UBE2R2: variants seen among roughly 807,000 people sequenced by gnomAD.
UBE2R2 encodes the protein ubiquitin conjugating enzyme E2 R2, also known as ubiquitin-conjugating enzyme E2 R2.
A neutral mutation model predicts 27.8 loss-of-function variants in UBE2R2; 1 was observed. The ratio of observed to expected loss-of-function variants is 0.04; its 90% CI spans 0.01 to 0.17. The LOEUF (loss-of-function observed/expected upper bound fraction) is 0.17, where lower values mean the gene tolerates loss of function less well. Among genes scored for constraint, UBE2R2 ranks in the 10% least tolerant of loss-of-function variants. UBE2R2 has a pLI of 1.00. For missense variants in UBE2R2, 100 were observed against 291.0 expected (o/e 0.34, Z 4.78); for synonymous variants, 106 against 113.3 (o/e 0.94, Z 0.41).
Position 33,863,835 on chromosome 9 carries a change from G to A in UBE2R2, c.178-23046G>A, listed in dbSNP as rs141311502. ...CCTGAGTAGCTGGAACTACTGGCAT[G>A]TACCACCACGCCTGGCCAATTTTTG... On this transcript the variant is annotated intron_variant, in intron 1 of 4. Coordinates refer to ENST00000263228, the MANE Select transcript of UBE2R2 (RefSeq NM_017811.4). Among the ~76,000 whole-genome samples the A allele has an allele frequency of 7.1e-4, 108 of 152,016 alleles. 1 individual carries two copies. The East Asian group carries it at 0.017, about 24-fold the overall frequency.
At chr9:33,828,952 C>G (rs181798226) in intron 1 of UBE2R2, among the ~76,000 whole-genome samples, 4 of 152,142 alleles carry the variant, frequency 2.6e-5, no homozygotes, top group African/African-American at 9.7e-5. Flanking sequence ...CCAGACTCGT[C>G]TCGAATTCCT....
intron 1 of UBE2R2, among the ~76,000 whole-genome samples, chr9:33,831,267 C>T (rs139706593): frequency 3.3e-5 from 5 of 151,822 alleles, no homozygotes; most frequent in Middle Eastern, 3.4e-3. Flanking sequence ...GTAGTGAGAC[C>T]CCCATCTCTA....
chr9:33,890,975 G>A (rs1486049739), intron 2 of UBE2R2, among the ~76,000 whole-genome samples: 2 of 151,960 alleles, frequency 1.3e-5, no homozygotes, highest in Non-Finnish European at 2.9e-5. Flanking sequence ...GTTGGTATTT[G>A]TGGTAATAGA....
Position 33,917,004 on chromosome 9 carries a change from C to G in UBE2R2, c.498-14C>G. On this transcript the variant is annotated splice_polypyrimidine_tract_variant and intron_variant, in intron 4 of 4. Coordinates refer to ENST00000263228, the MANE Select transcript of UBE2R2 (RefSeq NM_017811.4). ...GACTTACCGTAAACCATTTCTGTGT[C>G]AACCTCCCTTCAGGAAACAAGTTTC... 6.2e-7 allele frequency: 1 copy of G among 1,613,934 alleles called. No homozygotes were observed. Among genetic ancestry groups the G allele is most frequent in the Non-Finnish European group, 8.5e-7 (1 of 1,179,960 alleles).
intron 1 of UBE2R2, among the ~76,000 whole-genome samples, chr9:33,835,062 A>T (rs1338658452): frequency 6.6e-6 from 1 of 151,556 alleles, no homozygotes; most frequent in Non-Finnish European, 1.5e-5. Context: ...TATTACATAA[A>T]CTGGTTTGTA....
chr9:33,828,521 T>C (rs544153983), intron 1 of UBE2R2, among the ~76,000 whole-genome samples: 1 of 151,570 alleles, frequency 6.6e-6, no homozygotes, highest in African/African-American at 2.4e-5. Flanking sequence ...TCCAAGTAGC[T>C]GGGACTACAG....
intron 1 of UBE2R2, among the ~76,000 whole-genome samples, chr9:33,856,190 C>T (rs989532049): frequency 1.3e-5 from 2 of 152,128 alleles, no homozygotes; most frequent in Non-Finnish European, 2.9e-5. Flanking sequence ...AATGTAAATG[C>T]TTTTTTTCAC....
intron 1 of UBE2R2, among the ~76,000 whole-genome samples, chr9:33,826,508 C>T (rs1820317730): frequency 6.6e-6 from 1 of 151,784 alleles, no homozygotes; most frequent in African/African-American, 2.4e-5. Flanking sequence ...ACCATTCTGG[C>T]TAACACGGTC....
chr9:33,842,906 A>AC (rs1320781956), intron 1 of UBE2R2, among the ~76,000 whole-genome samples: 5 of 151,756 alleles, frequency 3.3e-5, no homozygotes, highest in African/African-American at 1.2e-4. Flanking sequence ...ACATGCCATG[A>AC]CACATGCCTG....
At position 33,817,194 on chromosome 9, in the gene UBE2R2, G is replaced by A. The variant is rs926543372; in HGVS notation, c.-564G>A. 8.1e-5 allele frequency among the ~76,000 whole-genome samples: 12 copies of A among 147,646 alleles called. No homozygotes were observed. The highest frequency in any genetic ancestry group is 2.8e-4 in the African/African-American group (11 of 39,984). ...CTCCGTTGCTCCCGCGGCGCGAGGC[G>A]CTCTCGCTCTCCTCCTCCTCCGCCG... On this transcript the variant is annotated 5_prime_UTR_variant, in exon 1 of 5. Transcript: ENST00000263228.
intron 1 of UBE2R2, among the ~76,000 whole-genome samples, chr9:33,863,160 C>T (rs1235597564): frequency 7.4e-6 from 1 of 134,974 alleles, no homozygotes; most frequent in East Asian, 2.2e-4. Flanking sequence ...TGCACTCCTG[C>T]AGCCTGTGCA....
chr9:33,832,335 TA>T (rs1226196234), intron 1 of UBE2R2, among the ~76,000 whole-genome samples: 2 of 142,468 alleles, frequency 1.4e-5, no homozygotes, highest in Non-Finnish European at 3.1e-5. Flanking sequence ...GAAAAGAAAT[TA>T]TTTAATACCC....
intron 2 of UBE2R2, among the ~76,000 whole-genome samples, chr9:33,891,648 A>G (rs1026613113): frequency 6.6e-6 from 1 of 152,118 alleles, no homozygotes; most frequent in Non-Finnish European, 1.5e-5. Flanking sequence ...CTCCTGTCTC[A>G]AAAAATAAAT....
intron 3 of UBE2R2, among the ~76,000 whole-genome samples, chr9:33,907,113 T>C (rs1005631207): frequency 1.3e-5 from 2 of 152,236 alleles, no homozygotes; most frequent in East Asian, 3.8e-4. Context: ...ATATTATATA[T>C]GATGTGTTGG....
chr9:33,823,379 A>C (rs576404920), intron 1 of UBE2R2, among the ~76,000 whole-genome samples: 2 of 149,642 alleles, frequency 1.3e-5, no homozygotes, highest in African/African-American at 4.9e-5. Flanking sequence ...GTTGAAAAAA[A>C]ATTTTTTTTT....
At chr9:33,889,054 TAAAC>T (rs1207900402) in intron 2 of UBE2R2, among the ~76,000 whole-genome samples, 1 of 152,236 alleles carries the variant, frequency 6.6e-6, no homozygotes, top group Admixed American at 6.5e-5. Flanking sequence ...ATAATATAAA[TAAAC>T]AATAGTGACT....
At chr9:33,859,153 T>C (rs954812626) in intron 1 of UBE2R2, among the ~76,000 whole-genome samples, 17 of 152,118 alleles carry the variant, frequency 1.1e-4, no homozygotes, top group African/African-American at 3.9e-4. Context: ...TTAAAAAATA[T>C]ATGCTATGAA....
chr9:33,881,780 T>C (rs533301814), intron 1 of UBE2R2, among the ~76,000 whole-genome samples: 1 of 152,216 alleles, frequency 6.6e-6, no homozygotes, highest in African/African-American at 2.4e-5. Context: ...GATTTACTGC[T>C]AGTGATGTTA....
At chr9:33,873,072 G>A (rs1450273014) in intron 1 of UBE2R2, among the ~76,000 whole-genome samples, 1 of 151,590 alleles carries the variant, frequency 6.6e-6, no homozygotes, top group East Asian at 1.9e-4. Context: ...CTACTTGGGT[G>A]GGTGAGACAG....
Sources: gnomAD v4.1 joint callset for allele counts (sites outside exome capture counted in the v4.1 genomes callset) on GRCh38, gnomAD v4.1.1 for gene constraint, MANE v1.5 for transcripts, NCBI Gene and HGNC (gene_info 2026-07-23, HGNC 2026-07-21) for gene names.